The following FGD5 variants were observed in gnomAD, a reference collection of about 807,000 sequenced individuals.
FGD5 encodes FYVE, RhoGEF and PH domain-containing protein 5.
Under a neutral mutation model 133.4 loss-of-function variants are expected in FGD5, and 28 were observed. The observed-to-expected ratio is 0.21, with a 90% CI of 0.16 to 0.29. The LOEUF is 0.29. Ranked by LOEUF, FGD5 falls within the 10% of genes least tolerant of loss-of-function variation. The probability of loss-of-function intolerance (pLI) is 1.00; values close to 1 mark genes in which losing one functional copy is unlikely to be tolerated. For missense variants in FGD5, 1,858 were observed against 1,895.2 expected, an observed-to-expected ratio of 0.98 and a Z score of 0.36; for synonymous variants, 810 against 776.5, an observed-to-expected ratio of 1.04 and a Z score of -0.72.
At chr3:14,851,621 G>A (rs1392571230) in intron 1 of FGD5, among the ~76,000 whole-genome samples, 5 of 152,188 alleles carry the variant, frequency 3.3e-5, no homozygotes, top group African/African-American at 7.2e-5. Flanking sequence ...CATCACAGTG[G>A]TAGGTTTGTG....
chr3:14,820,535 G>A lies in FGD5; in HGVS notation c.1464G>A (p.Lys488=), dbSNP rs2036469541. 5.0e-6 allele frequency: 8 copies of A among 1,613,666 alleles called. No individual in the cohort carries two copies. Among genetic ancestry groups the A allele is most frequent in the Non-Finnish European group, 4.2e-6 (5 of 1,179,780 alleles). Residue 488 remains lysine (K), a synonymous_variant, in exon 1 of 20, where the codon AAG becomes AAA. Transcript: ENST00000285046. The part of the protein sequence containing the change: ...TSTRVRPHSG[K]VAGYVPETVP... ...CGAGGGTCCGGCCCCACTCTGGGAA[G>A]GTGGCCGGCTATGTCCCAGAAACCG... is the stretch of plus-strand genomic sequence containing the variant.
At chr3:14,920,658 G>A (rs13327251) in intron 13 of FGD5, among the ~76,000 whole-genome samples, 42,313 of 152,120 alleles carry the variant, frequency 0.28, 8,140 homozygotes, top group African/African-American at 0.55. Context: ...GGTAATGACA[G>A]CAGTAACAGG....
chr3:14,915,976 T>C (rs942180538), intron 11 of FGD5, among the ~76,000 whole-genome samples: 12 of 152,244 alleles, frequency 7.9e-5, no homozygotes, highest in African/African-American at 2.2e-4. Flanking sequence ...GTTCATGTTA[T>C]TGCCATGTGG....
At chr3:14,858,446 G>A (rs1432986156) in intron 1 of FGD5, among the ~76,000 whole-genome samples, 4 of 152,040 alleles carry the variant, frequency 2.6e-5, no homozygotes, top group African/African-American at 9.7e-5. Context: ...TAGGTAGTTG[G>A]GTTAGAGGGC....
chr3:14,929,384 A>G (rs919332151), intron 18 of FGD5, among the ~76,000 whole-genome samples: 2 of 152,232 alleles, frequency 1.3e-5, no homozygotes, highest in African/African-American at 4.8e-5. Context: ...GATGGATCAT[A>G]AGGCAGGCAT....
At chr3:14,932,365 G>A (rs978667933) in intron 18 of FGD5, 66 of 523,924 alleles carry the variant, frequency 1.3e-4, no homozygotes, top group Non-Finnish European at 2.0e-4. Flanking sequence ...TTACAGGCGT[G>A]AGCCACCACA....
rs559886547 is a variant in FGD5, at chr3:14,890,383, G to A, written c.2749-7126G>A. 2.6e-5 allele frequency among the ~76,000 whole-genome samples: 4 copies of A among 152,354 alleles called. No individual in the cohort carries two copies. The East Asian group carries it at 5.8e-4, about 22-fold the overall frequency. Reference sequence around the variant, plus strand: ...GGTTGCAAACTCTCTGAGGGCAGAAGTGCATCTCTCCATGCTCCCACTGTT... The same window carrying A: ...GGTTGCAAACTCTCTGAGGGCAGAAATGCATCTCTCCATGCTCCCACTGTT... On this transcript the variant is annotated intron_variant, in intron 4 of 19. Transcript: ENST00000285046.
At chr3:14,928,306 A>G (rs2038848322) in intron 18 of FGD5, among the ~76,000 whole-genome samples, 1 of 152,018 alleles carries the variant, frequency 6.6e-6, no homozygotes, top group East Asian at 1.9e-4. Context: ...TGCTGGTCTC[A>G]AGTGATCCTC....
intron 1 of FGD5, among the ~76,000 whole-genome samples, chr3:14,828,059 T>C (rs1055645101): frequency 4.6e-5 from 7 of 152,100 alleles, no homozygotes; most frequent in Admixed American, 2.0e-4. Flanking sequence ...GGAGAGTGAA[T>C]GTGTTGGCTA....
intron 4 of FGD5, among the ~76,000 whole-genome samples, chr3:14,891,335 C>G (rs1304587489): frequency 6.6e-6 from 1 of 152,190 alleles, no homozygotes; most frequent in Non-Finnish European, 1.5e-5. Context: ...ACCTGCTGCC[C>G]TACTCACAAC....
chr3:14,903,574 T>G (rs13067892), intron 9 of FGD5, among the ~76,000 whole-genome samples: 1 of 144,484 alleles, frequency 6.9e-6, no homozygotes, highest in Non-Finnish European at 1.5e-5. Context: ...TCATTGTTCA[T>G]TTCCCACCTG....
At chr3:14,899,701 A>G (rs185163467) in intron 7 of FGD5, among the ~76,000 whole-genome samples, 16 of 152,368 alleles carry the variant, frequency 1.1e-4, no homozygotes, top group African/African-American at 3.1e-4. Flanking sequence ...TGTAGAGCTT[A>G]CACCCTAGAC....
intron 17 of FGD5, 70 bp from the exon 18 acceptor site, chr3:14,926,000 T>G: frequency 1.3e-6 from 2 of 1,590,730 alleles, no homozygotes; most frequent in Non-Finnish European, 1.7e-6. Context: ...AGTGTCATTT[T>G]GAATTGTGCT....
At chr3:14,905,893 G>T (rs1229219818) in intron 9 of FGD5, among the ~76,000 whole-genome samples, 1 of 152,116 alleles carries the variant, frequency 6.6e-6, no homozygotes, top group African/African-American at 2.4e-5. Context: ...TGTAGAGACT[G>T]AGGTAAATCG....
intron 2 of FGD5, among the ~76,000 whole-genome samples, chr3:14,877,970 A>G (rs564936921): frequency 1.4e-4 from 22 of 152,230 alleles, no homozygotes; most frequent in Non-Finnish European, 3.1e-4. Flanking sequence ...ATTCTTCAGA[A>G]TGTCAACAGT....
At chr3:14,923,572 G>A (rs971301724) in intron 16 of FGD5, among the ~76,000 whole-genome samples, 9 of 152,182 alleles carry the variant, frequency 5.9e-5, no homozygotes, top group African/African-American at 1.9e-4. Context: ...GGGTGAAGCT[G>A]TTCCACACAG....
intron 4 of FGD5, among the ~76,000 whole-genome samples, chr3:14,887,441 G>A (rs1292749366): frequency 5.3e-5 from 8 of 152,040 alleles, no homozygotes; most frequent in Admixed American, 4.6e-4. Flanking sequence ...TACTTGGGAG[G>A]CTGAGGCAGG....
chr3:14,838,088 A>T (rs1346866635), intron 1 of FGD5, among the ~76,000 whole-genome samples: 1 of 152,158 alleles, frequency 6.6e-6, no homozygotes, highest in Non-Finnish European at 1.5e-5. Context: ...GGGAGATTCC[A>T]GGCTGTGCCC....
At position 14,884,015 on chromosome 3, in the gene FGD5, T is replaced by C. The variant is rs1689535; in HGVS notation, c.2748+3243T>C. 6.0e-3 allele frequency among the ~76,000 whole-genome samples: 913 copies of C among 152,160 alleles called. 2 individuals are homozygous for C. Among genetic ancestry groups the C allele is most frequent in the African/African-American group, 8.5e-3 (354 of 41,514 alleles). ...CACATCATTGCACATGGTTAGAACATAGAAAATTTTGGAAAGCCAGGTAGG... is the reference window on the plus strand; with the variant it reads ...CACATCATTGCACATGGTTAGAACACAGAAAATTTTGGAAAGCCAGGTAGG... On this transcript the variant is annotated intron_variant, in intron 4 of 19. Coordinates refer to ENST00000285046, the MANE Select transcript of FGD5 (RefSeq NM_152536.4).
Sources: gnomAD v4.1 joint callset for allele counts (sites outside exome capture counted in the v4.1 genomes callset) on GRCh38, gnomAD v4.1.1 for gene constraint, MANE v1.5 for transcripts, NCBI Gene and HGNC (gene_info 2026-07-23, HGNC 2026-07-21) for gene names.